The following FCHSD2 variants were observed in gnomAD, a reference collection of about 807,000 sequenced individuals.
The protein encoded by FCHSD2 is FCH and double SH3 domains 2.
Under a neutral mutation model 108.1 loss-of-function variants are expected in FCHSD2, and 38 were observed. That is an observed-to-expected ratio of 0.35 (90% CI 0.27 to 0.46). The LOEUF is 0.46. FCHSD2 is among the 20% of genes least tolerant of loss of function. The pLI is 1.00. For synonymous variants in FCHSD2, 279 were observed against 314.7 expected, an observed-to-expected ratio of 0.89 and a Z score of 1.20; for missense variants, 751 against 897.8, an observed-to-expected ratio of 0.84 and a Z score of 2.09.
chr11:73,137,076 TAAA>T (rs935102874), intron 2 of FCHSD2, among the ~76,000 whole-genome samples: 4 of 152,070 alleles, frequency 2.6e-5, no homozygotes, highest in African/African-American at 9.7e-5. Context: ...AGTGAATTTT[TAAA>T]AAATCATTCC....
chr11:72,891,514 T>C (rs1855314443), intron 10 of FCHSD2, among the ~76,000 whole-genome samples: 1 of 152,254 alleles, frequency 6.6e-6, no homozygotes, highest in African/African-American at 2.4e-5. Context: ...TTTACTATTA[T>C]ATTTTGCTTT....
intron 4 of FCHSD2, among the ~76,000 whole-genome samples, chr11:73,015,427 G>T (rs1220930505): frequency 6.6e-6 from 1 of 152,080 alleles, no homozygotes; most frequent in Non-Finnish European, 1.5e-5. Context: ...TATTTCAAAA[G>T]TATCAGTGAA....
chr11:73,126,719 C>A (rs1016223366), intron 2 of FCHSD2, among the ~76,000 whole-genome samples: 1 of 151,910 alleles, frequency 6.6e-6, no homozygotes, highest in Non-Finnish European at 1.5e-5. Flanking sequence ...GTTTAAAATT[C>A]AAAATACACA....
intron 2 of FCHSD2, among the ~76,000 whole-genome samples, chr11:73,086,238 G>A (rs185127415): frequency 1.7e-3 from 256 of 152,174 alleles, no homozygotes; most frequent in Non-Finnish European, 2.7e-3. Context: ...GCAAAACTCC[G>A]TCTCTACTAA....
intron 9 of FCHSD2, among the ~76,000 whole-genome samples, chr11:72,920,497 T>G (rs879280717): frequency 1.3e-5 from 2 of 152,156 alleles, no homozygotes; most frequent in Non-Finnish European, 2.9e-5. Context: ...TCCCAGCACT[T>G]TGAGAGGCAA....
At chr11:73,085,464 A>G (rs1859793041) in intron 2 of FCHSD2, among the ~76,000 whole-genome samples, 1 of 152,168 alleles carries the variant, frequency 6.6e-6, no homozygotes, top group African/African-American at 2.4e-5. Context: ...CCTGACTGAA[A>G]TGACTTTCGG....
chr11:73,086,145 C>T (rs1457419245), intron 2 of FCHSD2, among the ~76,000 whole-genome samples: 2 of 152,194 alleles, frequency 1.3e-5, no homozygotes, highest in Non-Finnish European at 2.9e-5. Context: ...CAGTGGCTCA[C>T]GCCTGTAATC....
At chr11:72,935,944 G>T (rs1856291336) in intron 8 of FCHSD2, among the ~76,000 whole-genome samples, 1 of 152,202 alleles carries the variant, frequency 6.6e-6, no homozygotes, top group South Asian at 2.1e-4. Flanking sequence ...TCTGAAAAAG[G>T]TCTGCTGTAC....
intron 10 of FCHSD2, among the ~76,000 whole-genome samples, chr11:72,893,341 G>A (rs1041204674): frequency 6.6e-6 from 1 of 151,686 alleles, no homozygotes; most frequent in African/African-American, 2.4e-5. Flanking sequence ...TGGAAGACAG[G>A]TTCTCACTCT....
At chr11:73,050,135 T>C (rs778455027) in intron 3 of FCHSD2, among the ~76,000 whole-genome samples, 8 of 152,216 alleles carry the variant, frequency 5.3e-5, no homozygotes, top group Non-Finnish European at 1.2e-4. Flanking sequence ...TACCCTAATA[T>C]ACTATTGTAG....
At chr11:73,023,442 C>T (rs1433937081) in intron 3 of FCHSD2, among the ~76,000 whole-genome samples, 2 of 152,106 alleles carry the variant, frequency 1.3e-5, no homozygotes, top group African/African-American at 4.8e-5. Flanking sequence ...AAAAGAAGTT[C>T]AGCATCACTT....
At position 72,902,577 on chromosome 11, in the gene FCHSD2, T is replaced by C. The variant is rs1195293655; in HGVS notation, c.890A>G (p.Gln297Arg). 1 of 1,589,648 alleles carries C rather than the reference T, an allele frequency of 6.3e-7. No individual in the cohort carries two copies. Among genetic ancestry groups the C allele is most frequent in the Non-Finnish European group, 8.6e-7 (1 of 1,167,240 alleles). ...LQENAVFHKP[Q>R]PFQFQPCDSD... The stretch of plus-strand genomic sequence containing the variant: ...GTCACAAGGCTGGAACTGGAAGGGC[T>C]GGGGTTTGTGAAATACAGCGTTTTC... The change falls in exon 10 of 20, where the codon CAG becomes CGG. Residue 297 changes from glutamine (Q) to arginine (R), a missense_variant. Gln to Arg is a conservative substitution (Grantham distance 43, BLOSUM62 1). Transcript: ENST00000409418.
At chr11:73,010,886 G>C (rs1378931204) in intron 4 of FCHSD2, among the ~76,000 whole-genome samples, 1 of 152,172 alleles carries the variant, frequency 6.6e-6, no homozygotes, top group African/African-American at 2.4e-5. Context: ...CAGATTCTTG[G>C]GCCTCTGGGC....
intron 13 of FCHSD2, among the ~76,000 whole-genome samples, chr11:72,860,078 T>C (rs7395081): frequency 0.95 from 144,790 of 152,232 alleles, 69,166 homozygotes; most frequent in East Asian, 1. Context: ...CCTAGATCCC[T>C]TACATGTGAA....
At chr11:72,980,081 G>A (rs1428885274) in intron 8 of FCHSD2, among the ~76,000 whole-genome samples, 1 of 152,202 alleles carries the variant, frequency 6.6e-6, no homozygotes, top group African/African-American at 2.4e-5. Context: ...GACTCTGGAA[G>A]AGTCTTCAAC....
rs1473196249 is a variant in FCHSD2 at position 73,141,904 on chromosome 11, C to G, written c.-27G>C. On this transcript the variant is annotated 5_prime_UTR_variant, in exon 1 of 20. Coordinates refer to ENST00000409418, the MANE Select transcript of FCHSD2 (RefSeq NM_014824.3). ...ATGCTGAAGGGACATCAATCCTCCCCGACGGCAGCGTTAGCAAGGACCAGG... is the reference window on the plus strand; with the variant it reads ...ATGCTGAAGGGACATCAATCCTCCCGGACGGCAGCGTTAGCAAGGACCAGG... The G allele has an allele frequency of 3.2e-6, 5 of 1,541,446 alleles. No homozygotes were observed. The highest frequency in any genetic ancestry group is 2.5e-5 in the East Asian group (1 of 40,194).
chr11:72,960,450 T>C (rs1856800831), intron 8 of FCHSD2, among the ~76,000 whole-genome samples: 2 of 152,250 alleles, frequency 1.3e-5, no homozygotes, highest in South Asian at 4.1e-4. Context: ...GGCAGAGATC[T>C]GCTAGGTCAG....
rs1283717936 is a variant in FCHSD2, at chr11:73,083,827, G to A, written c.120-87C>T. On this transcript the variant is annotated intron_variant, in intron 2 of 19. Transcript: ENST00000409418. Reference sequence around the variant, plus strand: ...TCAACACACCTTCAAATACTGCCTGGTTAAGATATGTGAGGGAAAGGACAA... The same window carrying A: ...TCAACACACCTTCAAATACTGCCTGATTAAGATATGTGAGGGAAAGGACAA... 2.7e-5 allele frequency: 22 copies of A among 829,754 alleles called. No individual in the cohort carries two copies. The Admixed American group carries it at 4.3e-4, about 16-fold the overall frequency. 51.4% of individuals were successfully genotyped at this position (829,754 alleles called of 1,614,324 possible).
At chr11:73,082,290 T>C (rs1186104043) in intron 3 of FCHSD2, among the ~76,000 whole-genome samples, 1 of 119,058 alleles carries the variant, frequency 8.4e-6, no homozygotes, top group East Asian at 2.7e-4. Flanking sequence ...TGAGCCGAGA[T>C]CGCACCACTG....
Sources: gnomAD v4.1 joint callset for allele counts (sites outside exome capture counted in the v4.1 genomes callset) on GRCh38, gnomAD v4.1.1 for gene constraint, MANE v1.5 for transcripts, NCBI Gene and HGNC (gene_info 2026-07-23, HGNC 2026-07-21) for gene names.